SPAG1: variants seen among roughly 807,000 people sequenced by gnomAD.
SPAG1 encodes sperm associated antigen 1, also known as sperm-associated antigen 1.
SPAG1 carries 69 observed loss-of-function variants against 100.5 expected under a neutral mutation model. The ratio of observed to expected loss-of-function variants is 0.69; its 90% CI spans 0.57 to 0.84. The LOEUF is 0.84. Among genes scored for constraint, SPAG1 ranks in the 40% least tolerant of loss-of-function variants. The probability of loss-of-function intolerance (pLI) is 0.00; values close to 1 mark genes in which losing one functional copy is unlikely to be tolerated. For missense variants in SPAG1, 955 were observed against 1,133.1 expected (o/e 0.84, Z 2.26); for synonymous variants, 336 against 411.6 (o/e 0.82, Z 2.22).
intron 4 of SPAG1, among the ~76,000 whole-genome samples, chr8:100,178,709 G>A (rs545498712): frequency 2.0e-5 from 3 of 152,198 alleles, no homozygotes; most frequent in Admixed American, 2.0e-4. Flanking sequence ...TACCTTCCTG[G>A]ATCTTTTTAC....
intron 16 of SPAG1, among the ~76,000 whole-genome samples, chr8:100,237,603 G>C (rs757306797): frequency 6.6e-6 from 1 of 152,036 alleles, no homozygotes; most frequent in Non-Finnish European, 1.5e-5. Context: ...GTCTTTCTTT[G>C]TCTTTTCCGT....
chr8:100,212,843 C>T (rs1216658001), intron 10 of SPAG1, among the ~76,000 whole-genome samples: 1 of 152,118 alleles, frequency 6.6e-6, no homozygotes, highest in Non-Finnish European at 1.5e-5. Flanking sequence ...CAGTTAGAGA[C>T]AGGGTACGTT....
chr8:100,232,190 G>T (rs1031341872), intron 15 of SPAG1, among the ~76,000 whole-genome samples: 6 of 152,102 alleles, frequency 3.9e-5, no homozygotes, highest in Admixed American at 3.3e-4. Context: ...TTCAGCCTCT[G>T]TAGGATCGGG....
At chr8:100,229,890 C>T (rs1382601969) in intron 14 of SPAG1, among the ~76,000 whole-genome samples, 1 of 152,212 alleles carries the variant, frequency 6.6e-6, no homozygotes, top group African/African-American at 2.4e-5. Context: ...ATTCAGGACT[C>T]AGAGACTCCA....
At chr8:100,222,520 G>A (rs1173526353) in intron 13 of SPAG1, among the ~76,000 whole-genome samples, 1 of 152,030 alleles carries the variant, frequency 6.6e-6, no homozygotes, top group East Asian at 1.9e-4. Flanking sequence ...CTTTTAATTC[G>A]CCCCATCCTC....
At chr8:100,203,418 G>A (rs67958909) in intron 10 of SPAG1, among the ~76,000 whole-genome samples, 26,294 of 152,136 alleles carry the variant, frequency 0.17, 2,518 homozygotes, top group South Asian at 0.23. Flanking sequence ...CAGAGGAACA[G>A]ACTATTAAGG....
intron 7 of SPAG1, among the ~76,000 whole-genome samples, chr8:100,186,222 A>C (rs1816583198): frequency 6.6e-6 from 1 of 151,812 alleles, no homozygotes; most frequent in African/African-American, 2.4e-5. Context: ...GTGAGTCACC[A>C]TACCTGGATA....
intron 10 of SPAG1, among the ~76,000 whole-genome samples, chr8:100,198,244 G>A (rs1817116592): frequency 6.6e-6 from 1 of 151,626 alleles, no homozygotes; most frequent in African/African-American, 2.4e-5. Context: ...GATCAGGAGA[G>A]TGGAAGTCAG....
chr8:100,162,671 A>G (rs1815364497), intron 2 of SPAG1, among the ~76,000 whole-genome samples: 2 of 152,182 alleles, frequency 1.3e-5, no homozygotes, highest in African/African-American at 2.4e-5. Context: ...GGAGAAGGTA[A>G]AGTAGCTGTG....
intron 14 of SPAG1, among the ~76,000 whole-genome samples, chr8:100,228,719 G>GAAT (rs1261118903): frequency 1.3e-5 from 2 of 151,274 alleles, no homozygotes; most frequent in Admixed American, 6.6e-5. Context: ...TCTCAAAAAA[G>GAAT]AATAATAATA....
chr8:100,192,747 A>G (rs890960393), intron 9 of SPAG1, among the ~76,000 whole-genome samples: 3 of 152,112 alleles, frequency 2.0e-5, no homozygotes, highest in African/African-American at 7.2e-5. Flanking sequence ...TTTATTTTTG[A>G]GACAGGGCCT....
At chr8:100,170,158 T>G (rs368152101) in intron 3 of SPAG1, among the ~76,000 whole-genome samples, 38 of 152,324 alleles carry the variant, frequency 2.5e-4, no homozygotes, top group Middle Eastern at 3.4e-3. Context: ...ATATTGAGGT[T>G]TCGGATCCAT....
intron 10 of SPAG1, among the ~76,000 whole-genome samples, chr8:100,212,248 C>T (rs1817747618): frequency 6.6e-6 from 1 of 151,998 alleles, no homozygotes; most frequent in South Asian, 2.1e-4. Flanking sequence ...CTTGGCTTTA[C>T]CATTCATGAA....
At chr8:100,195,282 C>T (rs1375868164) in intron 10 of SPAG1, among the ~76,000 whole-genome samples, 1 of 151,862 alleles carries the variant, frequency 6.6e-6, no homozygotes, top group Non-Finnish European at 1.5e-5. Context: ...AAATCATTCA[C>T]AAGTAAAAAT....
chr8:100,163,408 T>A (rs1014661954), intron 2 of SPAG1, among the ~76,000 whole-genome samples: 1 of 141,922 alleles, frequency 7.0e-6, no homozygotes, highest in Non-Finnish European at 1.6e-5. Flanking sequence ...TCTTTCTTTC[T>A]TTTTTTTTTT....
At chr8:100,231,959 C>G (rs529231305) in intron 15 of SPAG1, among the ~76,000 whole-genome samples, 1 of 130,156 alleles carries the variant, frequency 7.7e-6, no homozygotes, top group African/African-American at 3.5e-5. Flanking sequence ...AAGACTCTGT[C>G]TCAAAAAAAA....
At chr8:100,202,072 G>A (rs975398670) in intron 10 of SPAG1, among the ~76,000 whole-genome samples, 1 of 152,242 alleles carries the variant, frequency 6.6e-6, no homozygotes, top group Middle Eastern at 3.4e-3. Flanking sequence ...CCCTCATCCT[G>A]TGGAATCTGA....
Position 100,181,720 on chromosome 8 carries a change from T to A in SPAG1, c.427-1655T>A, listed in dbSNP as rs551271920. Among the ~76,000 whole-genome samples the A allele has an allele frequency of 2.3e-4, 35 of 152,284 alleles. No homozygotes were observed. The South Asian group carries it at 5.2e-3, about 23-fold the overall frequency. ...CCACCAGCTTCCTTCTATTGGAACT[T>A]CTTCTCCTCTTTGTATAAGGACACA... On this transcript the variant is annotated intron_variant, in intron 4 of 18. Transcript: ENST00000388798.
chr8:100,169,946 T>C (rs781299143), intron 3 of SPAG1, among the ~76,000 whole-genome samples: 72 of 152,104 alleles, frequency 4.7e-4, no homozygotes, highest in Non-Finnish European at 8.8e-4. Context: ...ACAATAGTTT[T>C]ACAGTAACTC....
Sources: gnomAD v4.1 joint callset for allele counts (sites outside exome capture counted in the v4.1 genomes callset) on GRCh38, gnomAD v4.1.1 for gene constraint, MANE v1.5 for transcripts, NCBI Gene and HGNC (gene_info 2026-07-23, HGNC 2026-07-21) for gene names.